The following CRB1 variants were observed in gnomAD, a reference collection of about 807,000 sequenced individuals.
CRB1 encodes the protein protein crumbs homolog 1.
In CRB1, 83 loss-of-function variants were observed where a neutral mutation model predicts 120.0. The ratio of observed to expected loss-of-function variants is 0.69; its 90% CI spans 0.58 to 0.83. CRB1 has a LOEUF of 0.83. Ranked by LOEUF, CRB1 falls within the 40% of genes least tolerant of loss-of-function variation. The pLI, the probability that CRB1 is intolerant of heterozygous loss-of-function variation, is 0.00. For synonymous variants in CRB1, 625 were observed against 612.5 expected (o/e 1.02, Z -0.30); for missense variants, 1,699 against 1,687.6 (o/e 1.01, Z -0.12).
chr1:197,231,821 T>C, the CRB1 span, among the ~76,000 whole-genome samples: 2 of 152,190 alleles, frequency 1.3e-5, no homozygotes, highest in African/African-American at 2.4e-5. Context: ...AGCTCTCTTC[T>C]GTAGACCAGG....
At chr1:197,421,982 T>A in intron 6 of CRB1, 26 bp downstream of exon 6, 1 of 1,605,136 alleles carries the variant, frequency 6.2e-7, no homozygotes, top group Non-Finnish European at 8.5e-7. Context: ...GTGCTATGGC[T>A]AGGAGTGCCA....
At position 197,344,851 on chromosome 1, in the gene CRB1, A is replaced by G. The variant is rs535862962; in HGVS notation, c.848+375A>G. Among the ~76,000 whole-genome samples, 141 of 152,348 alleles carry G rather than the reference A, an allele frequency of 9.3e-4. 1 individual carries two copies. In the South Asian group the frequency reaches 0.013, roughly 14 times the overall value. ...CAAGGATATAAATCAGATGACAGCA[A>G]TAAATCCTTTTAAAGTGTTATATAA... On this transcript the variant is annotated intron_variant, in intron 3 of 11. Transcript: ENST00000367400.
At chr1:197,338,432 T>A (rs1423596235) in intron 2 of CRB1, among the ~76,000 whole-genome samples, 1 of 152,168 alleles carries the variant, frequency 6.6e-6, no homozygotes, top group East Asian at 1.9e-4. Flanking sequence ...ACAACTGTAA[T>A]CATTAGATAC....
intron 6 of CRB1, among the ~76,000 whole-genome samples, chr1:197,424,347 A>G (rs1664474950): frequency 6.6e-6 from 1 of 152,176 alleles, no homozygotes; most frequent in Admixed American, 6.5e-5. Flanking sequence ...ACACATGCAA[A>G]TAAAAATCTC....
At chr1:197,413,672 T>C (rs1455335910) in intron 5 of CRB1, among the ~76,000 whole-genome samples, 1 of 152,244 alleles carries the variant, frequency 6.6e-6, no homozygotes, top group Non-Finnish European at 1.5e-5. Flanking sequence ...CATTCACTAG[T>C]GTGACTTAAA....
intron 5 of CRB1, among the ~76,000 whole-genome samples, chr1:197,373,644 T>C (rs941280295): frequency 6.6e-6 from 1 of 152,180 alleles, no homozygotes; most frequent in African/African-American, 2.4e-5. Flanking sequence ...TAATAAAATC[T>C]GTGGGCCAGA....
rs118108046 is a variant in CRB1 at position 197,383,085 on chromosome 1, C to T, written c.1171+26072C>T. On this transcript the variant is annotated intron_variant, in intron 5 of 11. Coordinates refer to ENST00000367400, the MANE Select transcript of CRB1 (RefSeq NM_201253.3). ...ATTCTGGACTTCTGTTCGAGAATCA[C>T]TCAAGGGCTTGAATGGGCCCAAAGT... Among the ~76,000 whole-genome samples, 110 of 152,278 alleles carry T rather than the reference C, an allele frequency of 7.2e-4. No homozygotes were observed. In the East Asian group the frequency reaches 0.02, roughly 28 times the overall value.
intron 4 of CRB1, among the ~76,000 whole-genome samples, chr1:197,351,314 C>T (rs1300827190): frequency 2.2e-5 from 3 of 135,390 alleles, no homozygotes; most frequent in Admixed American, 7.9e-5. Flanking sequence ...GAGCCGAGAT[C>T]GCGCCACTGC....
At chr1:197,390,958 A>G (rs1417542437) in intron 5 of CRB1, among the ~76,000 whole-genome samples, 1 of 152,112 alleles carries the variant, frequency 6.6e-6, no homozygotes, top group Non-Finnish European at 1.5e-5. Context: ...TTTTGTGACA[A>G]CATTAAAAAA....
In CRB1 at chr1:197,434,879, T is replaced by A. The variant is rs924243698; in HGVS notation, c.3016T>A (p.Ser1006Thr). ...PEFLNISIQD[S>T]RLFFQLQSGN... ...ATTTCTTAATATTAGCATTCAAGAT[T>A]CCAGATTATTCTTTCAATTGCAAAG... Residue 1006 changes from serine to threonine, a missense_variant, in exon 9 of 12, where the codon TCC (serine) becomes ACC (threonine). Transcript: ENST00000367400. The A allele has an allele frequency of 6.2e-7, 1 of 1,613,798 alleles. No homozygotes were observed. The highest frequency in any genetic ancestry group is 8.5e-7 in the Non-Finnish European group (1 of 1,179,822).
chr1:197,310,879 G>A (rs1406077350), intron 1 of CRB1, among the ~76,000 whole-genome samples: 3 of 152,136 alleles, frequency 2.0e-5, no homozygotes, highest in African/African-American at 7.2e-5. Flanking sequence ...AAGCAGTCAT[G>A]TAGCCAAACC....
At chr1:197,276,948 A>G (rs1655241754) in intron 1 of CRB1, among the ~76,000 whole-genome samples, 1 of 151,942 alleles carries the variant, frequency 6.6e-6, no homozygotes, top group African/African-American at 2.4e-5. Flanking sequence ...TAAACCTCCC[A>G]CAAGCTCACA....
At chr1:197,415,641 C>CTTTTTTTTTTT (rs55654070) in intron 5 of CRB1, among the ~76,000 whole-genome samples, 40 of 93,996 alleles carry the variant, frequency 4.3e-4, no homozygotes, top group Admixed American at 7.0e-4. Context: ...TTTTTCTTTT[C>CTTTTTTTTTTT]TTTTTTTTTT....
intron 5 of CRB1, among the ~76,000 whole-genome samples, chr1:197,401,886 A>T (rs1303460878): frequency 1.3e-5 from 2 of 151,874 alleles, no homozygotes; most frequent in African/African-American, 4.8e-5. Context: ...TTTTAACTTT[A>T]ATTCTATTAT....
intron 1 of CRB1, among the ~76,000 whole-genome samples, chr1:197,280,175 G>A (rs1655442044): frequency 6.6e-6 from 1 of 151,666 alleles, no homozygotes; most frequent in Admixed American, 6.6e-5. Context: ...TAAAACTTTT[G>A]GTCCTTCTGA....
chr1:197,473,892 C>A (rs1453763329), intron 11 of CRB1, among the ~76,000 whole-genome samples: 1 of 151,340 alleles, frequency 6.6e-6, no homozygotes, highest in South Asian at 2.1e-4. Flanking sequence ...AATTTAAAAG[C>A]AAAGGGCCCT....
chr1:197,285,261 A>G (rs1655757917), intron 1 of CRB1, among the ~76,000 whole-genome samples: 1 of 151,920 alleles, frequency 6.6e-6, no homozygotes, highest in Non-Finnish European at 1.5e-5. Context: ...TAGCTAAACT[A>G]TTTTTTATAA....
the CRB1 span, among the ~76,000 whole-genome samples, chr1:197,259,991 A>G: frequency 2.9e-3 from 446 of 152,004 alleles, 2 homozygotes; most frequent in African/African-American, 0.01. Flanking sequence ...TCTAAAAAAA[A>G]AAAAAAAAAA....
In CRB1 at chr1:197,292,208, G is replaced by A. The variant is rs745468448; in HGVS notation, c.70+23726G>A. ...AGAAGAAAAGAGAGAAAAATCAAATGGACGCAATAAAAAATGATAAAGGGG... is the reference window on the plus strand; with the variant it reads ...AGAAGAAAAGAGAGAAAAATCAAATAGACGCAATAAAAAATGATAAAGGGG... On this transcript the variant is annotated intron_variant, in intron 1 of 11. Coordinates refer to ENST00000367400, the MANE Select transcript of CRB1 (RefSeq NM_201253.3). Among the ~76,000 whole-genome samples, 84 of 151,790 alleles carry A rather than the reference G, an allele frequency of 5.5e-4. 1 individual carries two copies. Among genetic ancestry groups the A allele is most frequent in the African/African-American group, 8.0e-4 (33 of 41,448 alleles).
Sources: gnomAD v4.1 joint callset for allele counts (sites outside exome capture counted in the v4.1 genomes callset) on GRCh38, gnomAD v4.1.1 for gene constraint, MANE v1.5 for transcripts, NCBI Gene and HGNC (gene_info 2026-07-23, HGNC 2026-07-21) for gene names.